The following PTPN2 variants were observed in gnomAD, a reference collection of about 807,000 sequenced individuals.
PTPN2 encodes protein tyrosine phosphatase non-receptor type 2, also known as tyrosine-protein phosphatase non-receptor type 2.
In PTPN2, 19 loss-of-function variants were observed where a neutral mutation model predicts 57.3. That is an observed-to-expected ratio of 0.33 (90% confidence interval 0.23 to 0.49). The LOEUF is 0.49. PTPN2 is among the 20% of genes least tolerant of loss of function. PTPN2 has a pLI of 0.99. For missense variants in PTPN2, 358 were observed against 501.1 expected (o/e 0.71, Z 2.73); for synonymous variants, 153 against 164.9 (o/e 0.93, Z 0.55).
In PTPN2 at chr18:12,793,345, T is replaced by C. The variant is rs1042525339; in HGVS notation, c.*933A>G. 6 of 976,764 alleles carry C rather than the reference T, an allele frequency of 6.1e-6. No individual in the cohort carries two copies. In the African/African-American group the frequency reaches 1.1e-4, roughly 17 times the overall value. The allele number at this position is 976,764 out of a possible 1,614,324, so 60.5% of individuals were successfully genotyped here. On this transcript the variant is annotated 3_prime_UTR_variant, in exon 9 of 9. Transcript: ENST00000309660. ...TCTAGTAAACTGAAATTATGAATCATAAAATGCTGCTTCTTACTTTTGCTT... is the reference window on the plus strand; with the variant it reads ...TCTAGTAAACTGAAATTATGAATCACAAAATGCTGCTTCTTACTTTTGCTT...
chr18:12,820,741 C>A (rs1321457130), intron 5 of PTPN2, among the ~76,000 whole-genome samples: 3 of 152,194 alleles, frequency 2.0e-5, no homozygotes, highest in Non-Finnish European at 4.4e-5. Flanking sequence ...ATAGGCTGTC[C>A]CTGTCTGCAG....
chr18:12,868,843 C>CTTTT (rs2044086831), intron 1 of PTPN2, among the ~76,000 whole-genome samples: 1 of 150,966 alleles, frequency 6.6e-6, no homozygotes, highest in African/African-American at 2.4e-5. Context: ...AACAAAGGCT[C>CTTTT]ATATTCTGAA....
chr18:12,794,127 G>A lies in PTPN2; in HGVS notation c.*151C>T. On this transcript the variant is annotated 3_prime_UTR_variant, in exon 9 of 9. Transcript: ENST00000309660. ...CTGCAGTCAAGAGTCCTGAGATGTT[G>A]GGCTTGTGACTGTAAATATCACTTA... 1 of 1,452,822 alleles carries A rather than the reference G, an allele frequency of 6.9e-7. No homozygotes were observed. The highest frequency in any genetic ancestry group is 1.4e-5 in the African/African-American group (1 of 70,128). 90.0% of individuals were successfully genotyped at this position (1,452,822 alleles called of 1,614,324 possible). A position where few individuals can be genotyped will look rare whatever the true frequency, so the allele number is the denominator to read the frequency against.
intron 3 of PTPN2, among the ~76,000 whole-genome samples, chr18:12,831,494 T>G (rs117323976): frequency 6.6e-6 from 1 of 152,248 alleles, no homozygotes; most frequent in East Asian, 1.9e-4. Context: ...AGAGACAAAA[T>G]CACGAGTAGG....
chr18:12,854,723 A>G (rs551053095), intron 2 of PTPN2, among the ~76,000 whole-genome samples: 99 of 152,348 alleles, frequency 6.5e-4, no homozygotes, highest in African/African-American at 2.3e-3. Context: ...AGATGAGATC[A>G]TTCATCCAAG....
rs775091569 is a variant in PTPN2, at chr18:12,802,040, TTTC to T, written c.967_969del (p.Glu323del). The T allele has an allele frequency of 5.9e-5, 95 of 1,612,700 alleles. No individual in the cohort carries two copies. Among genetic ancestry groups the T allele is most frequent in the Non-Finnish European group, 7.7e-5 (91 of 1,179,650 alleles). ...CCTGTACATCGGTCACCTGTCAGTT[TTTC>T]TTCTTCTAGACCTATTCTGTTCCCA... On this transcript the variant is annotated inframe_deletion, in exon 8 of 9. Coordinates refer to ENST00000309660, the MANE Select transcript of PTPN2 (RefSeq NM_002828.4).
At chr18:12,851,922 T>C (rs143894284) in intron 2 of PTPN2, among the ~76,000 whole-genome samples, 1 of 152,192 alleles carries the variant, frequency 6.6e-6, no homozygotes, top group East Asian at 1.9e-4. Context: ...GAAGACAGTA[T>C]GTCAAATGAA....
chr18:12,817,005 G>T, intron 6 of PTPN2, 151 bp downstream of exon 6: 1 of 697,126 alleles, frequency 1.4e-6, no homozygotes, highest in Non-Finnish European at 2.4e-6. Context: ...TGCAACGGTG[G>T]AAATGAGATT....
chr18:12,813,196 G>A (rs1185408660), intron 7 of PTPN2, among the ~76,000 whole-genome samples: 2 of 152,162 alleles, frequency 1.3e-5, no homozygotes, highest in African/African-American at 4.8e-5. Flanking sequence ...ATTTAAGTTG[G>A]TGAAAGCTCA....
rs201772503 is a variant in PTPN2, at chr18:12,868,245, GTTTT to G, written c.70-8995_70-8992del. Among the ~76,000 whole-genome samples the G allele has an allele frequency of 2.6e-5, 4 of 151,740 alleles. No homozygotes were observed. The East Asian group carries it at 7.7e-4, about 29-fold the overall frequency. On this transcript the variant is annotated intron_variant, in intron 1 of 8. Transcript: ENST00000309660. ...TTATTTGTCATAGTTGTTGTTTTTT[GTTTT>G]TTGTTTTTTTTTGAGATTGAGTCTC...
At chr18:12,819,069 G>A (rs2145325546) in intron 5 of PTPN2, 1 of 376,516 alleles carries the variant, frequency 2.7e-6, no homozygotes. Context: ...ACTCCAGCCT[G>A]GACAACGAGA....
intron 7 of PTPN2, among the ~76,000 whole-genome samples, chr18:12,810,364 C>CA (rs372346816): frequency 1.7e-4 from 25 of 145,714 alleles, no homozygotes; most frequent in East Asian, 4.0e-4. Context: ...AACTCTGTTT[C>CA]AAAAAAAAAA....
At chr18:12,844,078 G>GT (rs1237472839) in intron 2 of PTPN2, 3 of 152,202 alleles carry the variant, frequency 2.0e-5, no homozygotes, top group East Asian at 1.9e-4. Context: ...TTCACCCAGC[G>GT]TAAGTCCTCT....
In PTPN2 at chr18:12,838,903, AAC is replaced by A. The variant is rs571334473; in HGVS notation, c.161-2014_161-2013del. ...AAACACATACAAAGGAAAAATGAAA[AAC>A]AATTTAAAAAGGAAGAAATATTAAA... On this transcript the variant is annotated intron_variant, in intron 2 of 8. Coordinates refer to ENST00000309660, the MANE Select transcript of PTPN2 (RefSeq NM_002828.4). Among the ~76,000 whole-genome samples the A allele has an allele frequency of 5.9e-3, 894 of 152,142 alleles. 6 individuals carry two copies. Among genetic ancestry groups the A allele is most frequent in the African/African-American group, 0.02 (839 of 41,558 alleles).
exon 10 of PTPN2, chr18:12,785,624 A>T: frequency 3.1e-6 from 2 of 635,306 alleles, no homozygotes; most frequent in South Asian, 1.8e-5. Context: ...AACACATCCA[A>T]TTAAAGGTTC....
intron 2 of PTPN2, among the ~76,000 whole-genome samples, chr18:12,845,990 T>C (rs946055178): frequency 4.6e-5 from 7 of 152,212 alleles, no homozygotes; most frequent in African/African-American, 1.7e-4. Context: ...ATCTGTTCTT[T>C]CACGGTATTT....
chr18:12,880,034 G>A (rs577942687), intron 1 of PTPN2, among the ~76,000 whole-genome samples: 2 of 152,242 alleles, frequency 1.3e-5, no homozygotes, highest in Non-Finnish European at 2.9e-5. Context: ...TCCAATTCCC[G>A]CTATGAAAGG....
rs574438155 is a variant in PTPN2, at chr18:12,850,831, C to T, written c.160+8333G>A. On this transcript the variant is annotated intron_variant, in intron 2 of 8. Coordinates refer to ENST00000309660, the MANE Select transcript of PTPN2 (RefSeq NM_002828.4). The stretch of plus-strand genomic sequence containing the variant: ...CTTGGCTCACCGCAACCTCTGCCTC[C>T]CGGATTCAAGCAATTCTCCTGCCTC... 3.9e-5 allele frequency among the ~76,000 whole-genome samples: 6 copies of T among 152,142 alleles called. No individual in the cohort carries two copies. The South Asian group carries it at 1.2e-3, about 32-fold the overall frequency.
chr18:12,794,447 G>C lies in PTPN2; in HGVS notation c.1079C>G (p.Thr360Ser), dbSNP rs373011018. The C allele has an allele frequency of 8.1e-6, 13 of 1,613,854 alleles. No homozygotes were observed. In the African/African-American group the frequency reaches 1.5e-4, roughly 18 times the overall value. Residue 360 changes from threonine (T) to serine (S), a missense_variant, in exon 9 of 9, where the codon ACC (threonine) becomes AGC (serine). This residue lies in a region of PTPN2 where 96 missense variants were observed against 110.8 expected (regional missense o/e 0.87). Transcript: ENST00000309660. ...RKRIREDRKA[T>S]TAQKVQQMKQ... ...CATCTGCTGCACCTTCTGAGCTGTG[G>C]TGGCCTTTCTGTCCTCTCGAATACG... is the stretch of plus-strand genomic sequence containing the variant.
Sources: allele counts gnomAD v4.1 joint callset (sites outside exome capture counted in the v4.1 genomes callset), GRCh38; gene constraint gnomAD v4.1.1; regional missense constraint gnomAD v4.1.1; transcripts MANE v1.5; gene names NCBI Gene and HGNC (gene_info 2026-07-23, HGNC 2026-07-21).